Variants in GRIP2 observed in about 807,000 individuals in gnomAD.
GRIP2 encodes glutamate receptor interacting protein 2, also known as glutamate receptor-interacting protein 2.
GRIP2 carries 58 observed loss-of-function variants against 108.3 expected under a neutral mutation model. The observed-to-expected ratio is 0.54, with a 90% confidence interval of 0.43 to 0.67. The LOEUF (loss-of-function observed/expected upper bound fraction) is 0.67, where lower values mean the gene tolerates loss of function less well. GRIP2 is among the 30% of genes least tolerant of loss of function. The pLI is 0.00. For missense variants in GRIP2, 1,278 were observed against 1,430.6 expected, an observed-to-expected ratio of 0.89 and a Z score of 1.72; for synonymous variants, 586 against 598.2, an observed-to-expected ratio of 0.98 and a Z score of 0.30.
the GRIP2 span, among the ~76,000 whole-genome samples, chr3:14,595,926 G>A: frequency 6.6e-6 from 1 of 152,230 alleles, no homozygotes; most frequent in Admixed American, 6.5e-5. Context: ...CTGCATGCTG[G>A]CTTCTGAGCT....
chr3:14,508,739 G>A (rs1036466594), intron 17 of GRIP2, among the ~76,000 whole-genome samples: 5 of 152,108 alleles, frequency 3.3e-5, no homozygotes, highest in Non-Finnish European at 7.4e-5. Flanking sequence ...CACCAGATAC[G>A]GAAGGTGTAA....
intron 9 of GRIP2, among the ~76,000 whole-genome samples, chr3:14,519,409 C>T (rs1396568504): frequency 2.0e-5 from 3 of 152,242 alleles, no homozygotes. Context: ...CAGCCTCCCC[C>T]ATGTCTGTGC....
intron 5 of GRIP2, 52 bp downstream of exon 5, chr3:14,523,560 G>A: frequency 8.8e-7 from 1 of 1,133,066 alleles, no homozygotes. Context: ...CATGGAATTA[G>A]TATTAGCCTC....
Position 14,517,201 on chromosome 3 carries a change from G to A in GRIP2, c.1169C>T (p.Thr390Ile), listed in dbSNP as rs1694273232. ...GQDQSRSLSS[T>I]PFSSPTLNHA... ...GTTCAAGGTCGGCGAGGAAAAGGGA[G>A]TTGAAGACAAGGCTGGGGAGATGAG... The change falls in exon 11 of 24, where the codon ACT becomes ATT. Residue 390 changes from threonine (T) to isoleucine (I), a missense_variant. Physicochemically the swap from Thr to Ile is moderately conservative, Grantham distance 89. Transcript: ENST00000621039. The A allele has an allele frequency of 8.2e-6, 13 of 1,592,498 alleles. No individual in the cohort carries two copies. Among genetic ancestry groups the A allele is most frequent in the Admixed American group, 1.7e-5 (1 of 57,188 alleles).
chr3:14,521,707 A>G lies in GRIP2; in HGVS notation c.647T>C (p.Leu216Pro). 6.2e-7 allele frequency: 1 copy of G among 1,611,558 alleles called. No homozygotes were observed. Among genetic ancestry groups the G allele is most frequent in the Non-Finnish European group, 8.5e-7 (1 of 1,179,160 alleles). The change falls in exon 7 of 24, where the codon CTG becomes CCG. Residue 216 changes from leucine to proline, a missense_variant. Leu to Pro is a moderately conservative substitution (Grantham distance 98). Transcript: ENST00000621039. The surrounding 1 kb of genome is among the most constrained non-coding windows in gnomAD (Gnocchi z 5.1). ...GTGGCTGCACTGCCGCAGGGTGGCC[A>G]GGGCGGTGGCATGGCTGGCCCCGTG... ...PLHGASHATA[L>P]ATLRQCSHEA...
chr3:14,551,455 C>T (rs966368569), intron 1 of GRIP2, among the ~76,000 whole-genome samples: 1 of 152,172 alleles, frequency 6.6e-6, no homozygotes, highest in Non-Finnish European at 1.5e-5. Flanking sequence ...ACTCTGGGCT[C>T]TGCTCTGCAA....
At chr3:14,502,878 G>A (rs752257056) in intron 21 of GRIP2, among the ~76,000 whole-genome samples, 1 of 152,090 alleles carries the variant, frequency 6.6e-6, no homozygotes, top group Non-Finnish European at 1.5e-5. Context: ...GATTAATGGA[G>A]AGAAAAAAAT....
intron 23 of GRIP2, 142 bp downstream of exon 23, chr3:14,494,701 G>A: frequency 1.0e-6 from 1 of 964,004 alleles, no homozygotes; most frequent in East Asian, 2.8e-5. Flanking sequence ...AGGGTGCTGG[G>A]GCCCGCAATG....
At chr3:14,556,493 G>A (rs1021343548), upstream of GRIP2, among the ~76,000 whole-genome samples, 4 of 152,156 alleles carry the variant, frequency 2.6e-5, no homozygotes, top group African/African-American at 7.2e-5. Context: ...TTATCTACCT[G>A]CCCCCAAGAC....
At chr3:14,590,676 T>C in the GRIP2 span, among the ~76,000 whole-genome samples, 3 of 152,330 alleles carry the variant, frequency 2.0e-5, no homozygotes, top group African/African-American at 7.2e-5. Context: ...TCACTCTTGC[T>C]TGAAAACCTT....
intron 8 of GRIP2, 22 bp from the exon 9 acceptor site, chr3:14,520,301 G>A: frequency 1.2e-6 from 2 of 1,611,982 alleles, no homozygotes; most frequent in East Asian, 4.5e-5. Flanking sequence ...GGGGAGTGAA[G>A]GCGGAGGCTG....
At chr3:14,553,109 T>C (rs1023760531) in intron 1 of GRIP2, among the ~76,000 whole-genome samples, 1 of 48,554 alleles carries the variant, frequency 2.1e-5, no homozygotes, top group African/African-American at 5.5e-5. Flanking sequence ...TTCTTTCCTT[T>C]TTTTTTTTTT....
At position 14,524,424 on chromosome 3, in the gene GRIP2, C is replaced by T. The variant is rs754310159; in HGVS notation, c.372G>A (p.Val124=). 1 of 1,609,078 alleles carries T rather than the reference C, an allele frequency of 6.2e-7. No individual in the cohort carries two copies. Among genetic ancestry groups the T allele is most frequent in the Non-Finnish European group, 8.5e-7 (1 of 1,178,068 alleles). ...GGGGCAGCTCATACTCCACCTCCAG[C>T]ACCACGCGCTCGCCCACATTCTTGA... The part of the protein sequence containing the change: ...TLLKNVGERV[V]LEVEYELPPP... The change falls in exon 4 of 24, where the codon GTG becomes GTA. Residue 124 remains valine, a synonymous_variant. Coordinates refer to ENST00000621039, the MANE Select transcript of GRIP2 (RefSeq NM_001080423.4).
At chr3:14,539,608 A>G (rs551901947) in intron 1 of GRIP2, among the ~76,000 whole-genome samples, 10 of 152,192 alleles carry the variant, frequency 6.6e-5, no homozygotes, top group Non-Finnish European at 1.5e-4. Context: ...GTTCTGGTCC[A>G]GGCCCCAAGC....
chr3:14,517,320 T>A, intron 10 of GRIP2, 107 bp from the exon 11 acceptor site: 13 of 1,147,782 alleles, frequency 1.1e-5, no homozygotes, highest in African/African-American at 1.6e-5. Flanking sequence ...TGGGGATGCC[T>A]TCCCCCTTCA....
Position 14,526,022 on chromosome 3 carries a change from C to A in GRIP2, c.41-91G>T, listed in dbSNP as rs73132037. 6,788 of 1,163,112 alleles carry A rather than the reference C, an allele frequency of 5.8e-3. 160 individuals are homozygous for A. In the African/African-American group the frequency reaches 0.065, roughly 11 times the overall value. The allele number at this position is 1,163,112 out of a possible 1,614,324, so 72.0% of individuals were successfully genotyped here. ...CTTTGGGAATTTTCCACTCTGTGGA[C>A]GTGGCCTGTAAGATGGGTTCCCTCC... On this transcript the variant is annotated intron_variant, in intron 1 of 23. Transcript: ENST00000621039.
At chr3:14,542,116 C>T, upstream of GRIP2, 8 of 1,169,390 alleles carry the variant, frequency 6.8e-6, no homozygotes, top group Non-Finnish European at 9.1e-6. Context: ...TCTGCCCCTT[C>T]TTTCTCCCTC....
rs537136815 is a variant in GRIP2, at chr3:14,523,472, C to T, written c.490+140G>A. 388 of 654,864 alleles carry T rather than the reference C, an allele frequency of 5.9e-4. 3 individuals carry two copies. The Middle Eastern group carries it at 0.011, about 18-fold the overall frequency. The allele number at this position is 654,864 out of a possible 1,614,324, so 40.6% of individuals were successfully genotyped here. A position where few individuals can be genotyped will look rare whatever the true frequency, so the allele number is the denominator to read the frequency against. ...GCTTGGCAGATTTTCCCACTGAATA[C>T]TTACCTTAACGGTCCTGTGTTCTTC... On this transcript the variant is annotated intron_variant, in intron 5 of 23. Coordinates refer to ENST00000621039, the MANE Select transcript of GRIP2 (RefSeq NM_001080423.4).
Position 14,491,577 on chromosome 3 carries a change from C to G in GRIP2, c.*2088G>C, listed in dbSNP as rs1340491952. On this transcript the variant is annotated 3_prime_UTR_variant, in exon 24 of 24. Transcript: ENST00000621039. ...CATGGCTGGGAGGCCCACCGCGGGC[C>G]TGATTGCATACTTTTGGGAGAATGG... 1 of 152,228 alleles carries G rather than the reference C, an allele frequency of 6.6e-6. No homozygotes were observed. The highest frequency in any genetic ancestry group is 2.4e-5 in the African/African-American group (1 of 41,442). The allele number at this position is 152,228 out of a possible 1,614,324, so 9.4% of individuals were successfully genotyped here. A position where few individuals can be genotyped will look rare whatever the true frequency, so the allele number is the denominator to read the frequency against.
Sources: allele counts gnomAD v4.1 joint callset (sites outside exome capture counted in the v4.1 genomes callset), GRCh38; gene constraint gnomAD v4.1.1; non-coding constraint Gnocchi (gnomAD v3.1); transcripts MANE v1.5; gene names NCBI Gene and HGNC (gene_info 2026-07-23, HGNC 2026-07-21).